Variants in TRAF3 observed in about 807,000 individuals in gnomAD.
TRAF3 encodes the protein TNF receptor-associated factor 3.
Under a neutral mutation model 62.3 loss-of-function variants are expected in TRAF3, and 13 were observed. The observed-to-expected ratio is 0.21, with a 90% confidence interval of 0.14 to 0.33. The LOEUF (loss-of-function observed/expected upper bound fraction) is 0.33. Among genes scored for constraint, TRAF3 ranks in the 10% least tolerant of loss-of-function variants. The pLI, the probability that TRAF3 is intolerant of heterozygous loss-of-function variation, is 1.00. For synonymous variants in TRAF3, 269 were observed against 283.4 expected (o/e 0.95, Z 0.51); for missense variants, 440 against 741.8 (o/e 0.59, Z 4.73).
intron 2 of TRAF3, among the ~76,000 whole-genome samples, chr14:102,835,943 T>A (rs1289335064): frequency 1.3e-5 from 2 of 152,226 alleles, no homozygotes; most frequent in Non-Finnish European, 2.9e-5. Flanking sequence ...CGATGACTCA[T>A]GCCTGGAATA....
In TRAF3 at chr14:102,903,683, C is replaced by T. The variant is rs947352568; in HGVS notation, c.1135+254C>T. ...TAGAAAGTAGGGGCAGCTGCAGCCACGGGAAGCTGCAAAGCCCTCCTGGGA... is the reference window on the plus strand; with the variant it reads ...TAGAAAGTAGGGGCAGCTGCAGCCATGGGAAGCTGCAAAGCCCTCCTGGGA... On this transcript the variant is annotated intron_variant, in intron 11 of 11. Coordinates refer to ENST00000392745, the MANE Select transcript of TRAF3 (RefSeq NM_145725.3). The surrounding 1 kb of genome is among the most constrained non-coding windows in gnomAD (Gnocchi z 6.4). 1.9e-5 allele frequency: 12 copies of T among 620,290 alleles called. No homozygotes were observed. Among genetic ancestry groups the T allele is most frequent in the East Asian group, 3.5e-5 (1 of 28,272 alleles). 38.4% of individuals were successfully genotyped at this position (620,290 alleles called of 1,614,324 possible).
At chr14:102,818,043 G>A (rs996453929) in intron 1 of TRAF3, among the ~76,000 whole-genome samples, 16 of 152,154 alleles carry the variant, frequency 1.1e-4, no homozygotes, top group Admixed American at 6.5e-5. Flanking sequence ...TGGCGAGCTC[G>A]AGATTCCCAC....
At position 102,870,223 on chromosome 14, in the gene TRAF3, G is replaced by A; in HGVS notation, c.22G>A (p.Asp8Asn). Reference sequence around the variant, plus strand: ...TAAAATGGAGTCGAGTAAAAAGATGGACTCTCCTGGCGCGCTGCAGACTAA... The same window carrying A: ...TAAAATGGAGTCGAGTAAAAAGATGAACTCTCCTGGCGCGCTGCAGACTAA... MESSKKM[D>N]SPGALQTNPP... The change falls in exon 3 of 12, where the codon GAC (aspartate) becomes AAC (asparagine). Residue 8 changes from aspartate to asparagine, a missense_variant. Physicochemically the swap from Asp to Asn is conservative, Grantham distance 23. Around this residue, in one of 6 missense-constraint regions of TRAF3, gnomAD observed 40 missense variants for 38.3 expected, o/e 1.05. Transcript: ENST00000392745. The A allele has an allele frequency of 6.2e-7, 1 of 1,614,084 alleles. No individual in the cohort carries two copies. Among genetic ancestry groups the A allele is most frequent in the Non-Finnish European group, 8.5e-7 (1 of 1,180,022 alleles).
At chr14:102,787,474 C>T (rs544379620) in intron 1 of TRAF3, among the ~76,000 whole-genome samples, 14 of 149,502 alleles carry the variant, frequency 9.4e-5, no homozygotes, top group Middle Eastern at 3.4e-3. Context: ...GTCAGGAGTT[C>T]GAGACCAGCC....
At chr14:102,825,078 TAGG>T (rs1900219341) in intron 1 of TRAF3, among the ~76,000 whole-genome samples, 2 of 152,158 alleles carry the variant, frequency 1.3e-5, no homozygotes, top group Non-Finnish European at 2.9e-5. Flanking sequence ...AGCGGTTGGT[TAGG>T]AGGAGTCAGT....
chr14:102,858,583 G>C (rs1887512669), intron 2 of TRAF3, among the ~76,000 whole-genome samples: 1 of 152,136 alleles, frequency 6.6e-6, no homozygotes, highest in Non-Finnish European at 1.5e-5. Context: ...AGTTGTCTGT[G>C]GTTGACAGAA....
intron 6 of TRAF3, among the ~76,000 whole-genome samples, chr14:102,883,586 CTT>C (rs1193236700): frequency 6.8e-6 from 1 of 146,516 alleles, no homozygotes; most frequent in African/African-American, 2.4e-5. Flanking sequence ...CTTTTTTTTT[CTT>C]TCTTTCTTTT....
chr14:102,870,514 C>T (rs1888278648), intron 3 of TRAF3, 68 bp downstream of exon 3: 7 of 1,582,134 alleles, frequency 4.4e-6, no homozygotes, highest in Non-Finnish European at 6.0e-6. Flanking sequence ...CTCCTTCATT[C>T]GTTTCTCTAA....
chr14:102,810,512 A>C (rs1203813081), intron 1 of TRAF3, among the ~76,000 whole-genome samples: 1 of 152,166 alleles, frequency 6.6e-6, no homozygotes, highest in East Asian at 1.9e-4. Context: ...GCTCTCCTGA[A>C]CTTATAAAGT....
chr14:102,874,142 G>A (rs1029280091), intron 4 of TRAF3, among the ~76,000 whole-genome samples: 2 of 152,176 alleles, frequency 1.3e-5, no homozygotes, highest in Non-Finnish European at 2.9e-5. Context: ...GCATGCGCCT[G>A]TAGTTCAAGC....
intron 1 of TRAF3, among the ~76,000 whole-genome samples, chr14:102,781,036 T>TA (rs1318155486): frequency 6.6e-6 from 1 of 152,172 alleles, no homozygotes; most frequent in Non-Finnish European, 1.5e-5. Flanking sequence ...ATGAAATGAA[T>TA]TAGTGGATTG....
At chr14:102,871,784 G>A in intron 3 of TRAF3, 133 bp from the exon 4 acceptor site, 1 of 780,446 alleles carries the variant, frequency 1.3e-6, no homozygotes, top group Non-Finnish European at 2.3e-6. Context: ...AATCACCAGG[G>A]CGTCCTGAAG....
chr14:102,862,769 A>C (rs1305202500), intron 2 of TRAF3, among the ~76,000 whole-genome samples: 1 of 152,080 alleles, frequency 6.6e-6, no homozygotes, highest in Non-Finnish European at 1.5e-5. Context: ...GTGTCCCACA[A>C]GTCTCTGAGG....
At chr14:102,823,248 A>G (rs974245815) in intron 1 of TRAF3, among the ~76,000 whole-genome samples, 3 of 152,128 alleles carry the variant, frequency 2.0e-5, no homozygotes, top group African/African-American at 7.2e-5. Context: ...TCTTGTGAGC[A>G]TTATGTTGAG....
intron 10 of TRAF3, among the ~76,000 whole-genome samples, chr14:102,901,446 G>T (rs1461097031): frequency 1.3e-5 from 2 of 152,236 alleles, no homozygotes; most frequent in Non-Finnish European, 2.9e-5. Flanking sequence ...CCAGCTCAGT[G>T]TGCGTGTTAG....
chr14:102,782,304 G>T (rs1270134005), intron 1 of TRAF3, among the ~76,000 whole-genome samples: 1 of 151,956 alleles, frequency 6.6e-6, no homozygotes, highest in African/African-American at 2.4e-5. Flanking sequence ...TGCAATCTTG[G>T]CTCACTGCAG....
chr14:102,811,388 G>C (rs1301248223), intron 1 of TRAF3, among the ~76,000 whole-genome samples: 1 of 150,836 alleles, frequency 6.6e-6, no homozygotes, highest in Non-Finnish European at 1.5e-5. Flanking sequence ...GTACTGCCCT[G>C]GATGATAGTA....
chr14:102,832,676 C>T (rs1251432689), intron 2 of TRAF3, among the ~76,000 whole-genome samples: 1 of 152,028 alleles, frequency 6.6e-6, no homozygotes, highest in East Asian at 1.9e-4. Context: ...TGTCCTCCCA[C>T]CAAAAAATAT....
rs1890858852 is a variant in TRAF3 at position 102,911,340 on chromosome 14, A to G, written c.*5556A>G. 6.6e-6 allele frequency: 1 copy of G among 152,132 alleles called. No individual in the cohort carries two copies. The highest frequency in any genetic ancestry group is 2.1e-4 in the South Asian group (1 of 4,824). The allele number at this position is 152,132 out of a possible 1,614,324, so 9.4% of individuals were successfully genotyped here. On this transcript the variant is annotated 3_prime_UTR_variant, in exon 12 of 12. Coordinates refer to ENST00000392745, the MANE Select transcript of TRAF3 (RefSeq NM_145725.3). ...TGTTTTCTAGTTTTGTTTATTGTAT[A>G]TTATGTGTGGTTTTATTTGGTATTT...
Sources: allele counts gnomAD v4.1 joint callset (sites outside exome capture counted in the v4.1 genomes callset), GRCh38; gene constraint gnomAD v4.1.1; regional missense constraint gnomAD v4.1.1; non-coding constraint Gnocchi (gnomAD v3.1); transcripts MANE v1.5; gene names NCBI Gene and HGNC (gene_info 2026-07-23, HGNC 2026-07-21).